The following PDS5B variants were observed in gnomAD, a reference collection of about 807,000 sequenced individuals.
PDS5B encodes sister chromatid cohesion protein PDS5 homolog B.
In PDS5B, 51 loss-of-function variants were observed where a neutral mutation model predicts 184.1. The observed-to-expected ratio is 0.28, with a 90% confidence interval of 0.22 to 0.35. The LOEUF (loss-of-function observed/expected upper bound fraction) is 0.35, where lower values mean the gene tolerates loss of function less well. Ranked by LOEUF, PDS5B falls within the 10% of genes least tolerant of loss-of-function variation. The pLI is 1.00. For missense variants in PDS5B, 1,180 were observed against 1,723.3 expected (o/e 0.68, Z 5.58); for synonymous variants, 566 against 569.2 (o/e 0.99, Z 0.08).
intron 6 of PDS5B, among the ~76,000 whole-genome samples, chr13:32,664,063 C>T (rs374355835): frequency 9.2e-5 from 14 of 152,288 alleles, no homozygotes; most frequent in African/African-American, 2.4e-4. Context: ...TTCTTTTTAT[C>T]GCTGAGTAGT....
intron 1 of PDS5B, among the ~76,000 whole-genome samples, chr13:32,647,887 A>G (rs192215090): frequency 2.6e-5 from 4 of 152,238 alleles, no homozygotes; most frequent in Admixed American, 2.6e-4. Flanking sequence ...GAAACATCAT[A>G]GTGGGGATTC....
chr13:32,624,275 A>G (rs2058341927), intron 1 of PDS5B, among the ~76,000 whole-genome samples: 1 of 152,024 alleles, frequency 6.6e-6, no homozygotes, highest in Admixed American at 6.6e-5. Context: ...TTTTACTAAG[A>G]TATCAGAGTT....
intron 1 of PDS5B, among the ~76,000 whole-genome samples, chr13:32,643,422 G>A (rs191739304): frequency 6.6e-6 from 1 of 152,174 alleles, no homozygotes; most frequent in East Asian, 1.9e-4. Flanking sequence ...TGAAATATAG[G>A]TACAGTGTCC....
At chr13:32,616,069 T>C (rs2058213992) in intron 1 of PDS5B, among the ~76,000 whole-genome samples, 1 of 152,058 alleles carries the variant, frequency 6.6e-6, no homozygotes, top group Non-Finnish European at 1.5e-5. Context: ...CTTTTTTTTT[T>C]TGAGATGGAA....
intron 13 of PDS5B, chr13:32,689,397 G>A (rs1368742407): frequency 6.6e-6 from 1 of 152,044 alleles, no homozygotes; most frequent in East Asian, 1.9e-4. Context: ...GTAGAGGGGA[G>A]AAATACACAT....
chr13:32,747,314 A>G (rs1435884279), intron 24 of PDS5B, among the ~76,000 whole-genome samples: 2 of 152,104 alleles, frequency 1.3e-5, no homozygotes, highest in South Asian at 2.1e-4. Flanking sequence ...GATCATTGCA[A>G]TTCTTCCTCC....
At chr13:32,706,794 G>C (rs1952031329) in intron 17 of PDS5B, 140 bp from the exon 18 acceptor site, 2 of 449,324 alleles carry the variant, frequency 4.5e-6, no homozygotes, top group Non-Finnish European at 4.0e-6. Flanking sequence ...TTTTGCAGTA[G>C]TGTTAAAAAC....
chr13:32,633,246 C>T (rs867940461), intron 1 of PDS5B, among the ~76,000 whole-genome samples: 2 of 151,874 alleles, frequency 1.3e-5, no homozygotes, highest in Non-Finnish European at 2.9e-5. Context: ...AGTGGTTGCA[C>T]AATATTGTAA....
At chr13:32,605,822 A>G (rs1035333569) in intron 1 of PDS5B, among the ~76,000 whole-genome samples, 12 of 151,726 alleles carry the variant, frequency 7.9e-5, no homozygotes, top group African/African-American at 2.2e-4. Context: ...ACCATTATTT[A>G]ATGGTCTTCT....
intron 1 of PDS5B, among the ~76,000 whole-genome samples, chr13:32,612,202 A>G (rs967515321): frequency 3.3e-5 from 5 of 151,942 alleles, no homozygotes; most frequent in Non-Finnish European, 4.4e-5. Context: ...ATATGCCTTT[A>G]TTATAGCATT....
intron 26 of PDS5B, 96 bp from the exon 27 acceptor site, chr13:32,757,991 C>A: frequency 2.3e-6 from 1 of 443,542 alleles, no homozygotes. Context: ...GTTATATTAT[C>A]TAGGTTTGTT....
chr13:32,673,188 A>C (rs1234568717), intron 7 of PDS5B, 28 bp from the exon 8 acceptor site: 1 of 1,593,144 alleles, frequency 6.3e-7, no homozygotes, highest in East Asian at 2.2e-5. Flanking sequence ...TTTTTCTACT[A>C]ATGATAGGCT....
chr13:32,612,588 G>A (rs2058160424), intron 1 of PDS5B, among the ~76,000 whole-genome samples: 2 of 152,132 alleles, frequency 1.3e-5, no homozygotes, highest in Non-Finnish European at 2.9e-5. Context: ...AAGTTCATGT[G>A]TTGGGAACTT....
chr13:32,627,552 A>G (rs908403287), intron 1 of PDS5B, among the ~76,000 whole-genome samples: 2 of 152,208 alleles, frequency 1.3e-5, no homozygotes, highest in East Asian at 3.9e-4. Context: ...TCTTTTTTCT[A>G]GCAGAACCAT....
At chr13:32,759,994 T>C (rs1332820777) in intron 29 of PDS5B, among the ~76,000 whole-genome samples, 2 of 152,074 alleles carry the variant, frequency 1.3e-5, no homozygotes, top group African/African-American at 4.8e-5. Flanking sequence ...GGAGTCTCTG[T>C]TGCCCAGGCT....
chr13:32,688,629 GA>G (rs777632810), intron 13 of PDS5B, 60 bp downstream of exon 13: 1 of 971,434 alleles, frequency 1.0e-6, no homozygotes, highest in East Asian at 2.4e-5. Flanking sequence ...GGATTTTATG[GA>G]AAAGAAACTA....
At position 32,659,281 on chromosome 13, in the gene PDS5B, G is replaced by A; in HGVS notation, c.624+1G>A. The A allele has an allele frequency of 6.3e-7, 1 of 1,581,504 alleles. No homozygotes were observed. Among genetic ancestry groups the A allele is most frequent in the Non-Finnish European group, 8.6e-7 (1 of 1,159,080 alleles). On this transcript the variant is annotated splice_donor_variant, in intron 6 of 34. Transcript: ENST00000315596. LOFTEE classifies it high-confidence loss of function. Reference sequence around the variant, plus strand: ...AGTAAATCTGGTACCTGCTCATAAGGTGAGTAGCAATGTATACTGTAATGT... The same window carrying A: ...AGTAAATCTGGTACCTGCTCATAAGATGAGTAGCAATGTATACTGTAATGT...
chr13:32,720,995 G>C (rs1952657835), intron 19 of PDS5B, among the ~76,000 whole-genome samples: 1 of 152,168 alleles, frequency 6.6e-6, no homozygotes, highest in South Asian at 2.1e-4. Context: ...CAAGGCAGAA[G>C]AATTTTTCTT....
At chr13:32,666,600 TAAA>T (rs68181366) in intron 6 of PDS5B, among the ~76,000 whole-genome samples, 5 of 148,222 alleles carry the variant, frequency 3.4e-5, no homozygotes, top group Admixed American at 6.7e-5. Flanking sequence ...TACATATCCA[TAAA>T]AAAAAAAATG....
Sources: allele counts gnomAD v4.1 joint callset (sites outside exome capture counted in the v4.1 genomes callset), GRCh38; gene constraint gnomAD v4.1.1; transcripts MANE v1.5; gene names NCBI Gene and HGNC (gene_info 2026-07-23, HGNC 2026-07-21).